The following MIB1 variants were observed in gnomAD, a reference collection of about 807,000 sequenced individuals.
The protein encoded by MIB1 is MIB E3 ubiquitin protein ligase 1, also known as E3 ubiquitin-protein ligase MIB1.
Under a neutral mutation model 124.5 loss-of-function variants are expected in MIB1, and 278 were observed. The ratio of observed to expected loss-of-function variants is 2.23; its 90% CI spans 2.02 to 2.47. The LOEUF (loss-of-function observed/expected upper bound fraction) is 2.47, where lower values mean the gene tolerates loss of function less well. MIB1 is among the 30% of genes most tolerant of loss of function. The pLI is 0.00. For synonymous variants in MIB1, 446 were observed against 429.4 expected (o/e 1.04, Z -0.48); for missense variants, 957 against 1,254.4 (o/e 0.76, Z 3.58).
chr18:21,707,439 C>T (rs1272567264), intron 1 of MIB1, among the ~76,000 whole-genome samples: 2 of 152,204 alleles, frequency 1.3e-5, no homozygotes, highest in Non-Finnish European at 2.9e-5. Flanking sequence ...CAGAGGCAAC[C>T]TACTGGGGTC....
intron 10 of MIB1, among the ~76,000 whole-genome samples, chr18:21,810,190 G>A (rs1276788598): frequency 6.6e-6 from 1 of 151,938 alleles, no homozygotes; most frequent in Non-Finnish European, 1.5e-5. Context: ...ACTTAACGAA[G>A]GAGATAAGAC....
chr18:21,769,376 C>T (rs1203114554), intron 3 of MIB1, among the ~76,000 whole-genome samples: 2 of 152,154 alleles, frequency 1.3e-5, no homozygotes, highest in Non-Finnish European at 2.9e-5. Flanking sequence ...CTCACTTGGG[C>T]AGTGTATCCA....
Position 21,866,537 on chromosome 18 carries a change from A to G in MIB1, c.*1871A>G, listed in dbSNP as rs1463868758. On this transcript the variant is annotated 3_prime_UTR_variant, in exon 21 of 21. Coordinates refer to ENST00000261537, the MANE Select transcript of MIB1 (RefSeq NM_020774.4). ...CAGGTTTTTCCTTTCCTTCCATGCC[A>G]TGGGCTACCCATCTCTTCCCACTAG... 6.6e-6 allele frequency: 1 copy of G among 152,164 alleles called. No homozygotes were observed. Among genetic ancestry groups the G allele is most frequent in the Non-Finnish European group, 1.5e-5 (1 of 68,046 alleles). 9.4% of individuals were successfully genotyped at this position (152,164 alleles called of 1,614,324 possible). A position where few individuals can be genotyped will look rare whatever the true frequency, so the allele number is the denominator to read the frequency against.
At chr18:21,773,485 G>C in intron 3 of MIB1, 139 bp from the exon 4 acceptor site, 2 of 602,252 alleles carry the variant, frequency 3.3e-6, no homozygotes. Context: ...TGACATATTT[G>C]GCAAATAAGT....
At chr18:21,824,261 C>T (rs1323630324) in intron 12 of MIB1, among the ~76,000 whole-genome samples, 2 of 152,076 alleles carry the variant, frequency 1.3e-5, no homozygotes, top group African/African-American at 4.8e-5. Flanking sequence ...TTCTTATTTG[C>T]TTACTAATTC....
intron 12 of MIB1, among the ~76,000 whole-genome samples, chr18:21,821,701 C>T (rs1008618329): frequency 2.0e-5 from 3 of 151,634 alleles, no homozygotes; most frequent in African/African-American, 7.3e-5. Context: ...TGGGTTCACG[C>T]CATTCTCCTG....
At chr18:21,820,248 C>T (rs936827994) in intron 12 of MIB1, among the ~76,000 whole-genome samples, 1 of 152,160 alleles carries the variant, frequency 6.6e-6, no homozygotes, top group African/African-American at 2.4e-5. Context: ...TAGAGATTTC[C>T]ATTAACTCAC....
chr18:21,856,550 TATC>T (rs953762806), intron 18 of MIB1, among the ~76,000 whole-genome samples: 2 of 152,144 alleles, frequency 1.3e-5, no homozygotes, highest in African/African-American at 4.8e-5. Flanking sequence ...TTTAGAAAAT[TATC>T]ATGTCCGGGG....
intron 9 of MIB1, among the ~76,000 whole-genome samples, chr18:21,800,662 T>C (rs1209803442): frequency 1.3e-5 from 2 of 152,146 alleles, no homozygotes; most frequent in Non-Finnish European, 2.9e-5. Context: ...CTCACTGTGT[T>C]GTAAGGGTTT....
At position 21,838,405 on chromosome 18, in the gene MIB1, A is replaced by G. The variant is rs766865356; in HGVS notation, c.1870A>G (p.Ile624Val). 6.2e-7 allele frequency: 1 copy of G among 1,608,626 alleles called. No homozygotes were observed. Among genetic ancestry groups the G allele is most frequent in the Admixed American group, 1.7e-5 (1 of 59,678 alleles). The change falls in exon 13 of 21, where the codon ATT becomes GTT. Residue 624 changes from isoleucine (I) to valine (V), a missense_variant. Coordinates refer to ENST00000261537, the MANE Select transcript of MIB1 (RefSeq NM_020774.4). ...VLLSKLPRPW[I>V]VDEKKDDGYT... ...ACTATCTAAATTACCAAGACCATGG[A>G]TTGTGGATGAGAAGAAAGATGATGG...
chr18:21,791,925 A>G (rs2041509477), intron 7 of MIB1, among the ~76,000 whole-genome samples: 1 of 152,190 alleles, frequency 6.6e-6, no homozygotes, highest in African/African-American at 2.4e-5. Flanking sequence ...CTGCCTCTTT[A>G]AAACTTGAGT....
At chr18:21,755,594 C>T (rs1002033519) in intron 1 of MIB1, among the ~76,000 whole-genome samples, 4 of 152,110 alleles carry the variant, frequency 2.6e-5, no homozygotes, top group Admixed American at 6.6e-5. Context: ...GGATTACGGG[C>T]GTGAGCCACC....
chr18:21,861,948 C>G (rs1463180008), intron 20 of MIB1, among the ~76,000 whole-genome samples: 1 of 151,990 alleles, frequency 6.6e-6, no homozygotes, highest in African/African-American at 2.4e-5. Flanking sequence ...GTCACCCAGG[C>G]TTGAGTGCAG....
chr18:21,709,190 T>C (rs927014751), intron 1 of MIB1, among the ~76,000 whole-genome samples: 1 of 150,456 alleles, frequency 6.6e-6, no homozygotes, highest in Non-Finnish European at 1.5e-5. Flanking sequence ...CAGTGGCGGG[T>C]GCCTGTGGTC....
intron 1 of MIB1, among the ~76,000 whole-genome samples, chr18:21,744,318 T>C (rs1020403967): frequency 6.6e-6 from 1 of 152,182 alleles, no homozygotes; most frequent in Non-Finnish European, 1.5e-5. Flanking sequence ...AATTAACTTT[T>C]GTTTTTGAAA....
intron 12 of MIB1, among the ~76,000 whole-genome samples, chr18:21,833,751 A>G (rs1488964073): frequency 1.3e-5 from 2 of 152,222 alleles, no homozygotes; most frequent in African/African-American, 4.8e-5. Flanking sequence ...TCATTTGTTC[A>G]TCATTCAGCA....
At chr18:21,755,800 G>C (rs923096224) in intron 1 of MIB1, among the ~76,000 whole-genome samples, 2 of 152,084 alleles carry the variant, frequency 1.3e-5, no homozygotes, top group Non-Finnish European at 2.9e-5. Context: ...TACTTTCATG[G>C]ATATTTGCTT....
Position 21,849,318 on chromosome 18 carries a change from C to T in MIB1, c.2516C>T (p.Thr839Ile). ...TLFGPCGHIATCSLCSPRVKK... is the reference protein window; with the variant it reads ...TLFGPCGHIAICSLCSPRVKK... ...TTTGGTCCATGTGGACATATTGCTA[C>T]CTGTTCTTTATGTTCTCCACGTGTC... is the stretch of plus-strand genomic sequence containing the variant. Residue 839 changes from threonine (T) to isoleucine (I), a missense_variant, in exon 17 of 21, where the codon ACC (threonine) becomes ATC (isoleucine). By Grantham distance (89) the Thr-to-Ile change is moderately conservative. Transcript: ENST00000261537. 1.2e-6 allele frequency: 2 copies of T among 1,612,994 alleles called. No individual in the cohort carries two copies. The highest frequency in any genetic ancestry group is 1.7e-6 in the Non-Finnish European group (2 of 1,179,444).
At chr18:21,706,619 C>T (rs933056042) in intron 1 of MIB1, among the ~76,000 whole-genome samples, 1 of 152,142 alleles carries the variant, frequency 6.6e-6, no homozygotes, top group African/African-American at 2.4e-5. Context: ...TGAGCGCCGG[C>T]TGGCACCGCC....
Sources: gnomAD v4.1 joint callset for allele counts (sites outside exome capture counted in the v4.1 genomes callset) on GRCh38, gnomAD v4.1.1 for gene constraint, MANE v1.5 for transcripts, NCBI Gene and HGNC (gene_info 2026-07-23, HGNC 2026-07-21) for gene names.